The following NR3C2 variants were observed in gnomAD, a reference collection of about 807,000 sequenced individuals.
NR3C2 encodes the protein nuclear receptor subfamily 3 group C member 2, also known as mineralocorticoid receptor.
NR3C2 carries 15 observed loss-of-function variants against 86.4 expected under a neutral mutation model. The ratio of observed to expected loss-of-function variants is 0.17; its 90% confidence interval spans 0.12 to 0.27. The LOEUF is 0.27. NR3C2 is among the 10% of genes least tolerant of loss of function. The pLI, the probability that NR3C2 is intolerant of heterozygous loss-of-function variation, is 1.00. For missense variants in NR3C2, 960 were observed against 1,195.6 expected, an observed-to-expected ratio of 0.80 and a Z score of 2.91; for synonymous variants, 458 against 450.5, an observed-to-expected ratio of 1.02 and a Z score of -0.21.
At chr4:148,335,037 A>G (rs1744412428) in intron 2 of NR3C2, among the ~76,000 whole-genome samples, 1 of 152,192 alleles carries the variant, frequency 6.6e-6, no homozygotes. Context: ...ATATTACATT[A>G]GGGGCCACTC....
intron 6 of NR3C2, among the ~76,000 whole-genome samples, chr4:148,147,438 A>G (rs1217522442): frequency 6.6e-6 from 1 of 152,252 alleles, no homozygotes; most frequent in East Asian, 1.9e-4. Context: ...ACACTGATTA[A>G]TAGATTGTTT....
intron 2 of NR3C2, among the ~76,000 whole-genome samples, chr4:148,278,559 A>T (rs1741074975): frequency 6.6e-6 from 1 of 152,070 alleles, no homozygotes; most frequent in African/African-American, 2.4e-5. Context: ...ACATAAATAA[A>T]TACACGTGCG....
At chr4:148,085,512 T>C (rs1191512641) in intron 8 of NR3C2, among the ~76,000 whole-genome samples, 2 of 152,236 alleles carry the variant, frequency 1.3e-5, no homozygotes, top group Non-Finnish European at 2.9e-5. Context: ...CGGAAATTTA[T>C]AGCACTAAAT....
At chr4:148,363,567 T>A (rs1386942402) in intron 2 of NR3C2, among the ~76,000 whole-genome samples, 1 of 145,634 alleles carries the variant, frequency 6.9e-6, no homozygotes, top group Admixed American at 7.1e-5. Context: ...GCAGTGGCGC[T>A]ATCTCAGCTC....
chr4:148,337,777 T>C (rs1048677363), intron 2 of NR3C2, among the ~76,000 whole-genome samples: 4 of 152,212 alleles, frequency 2.6e-5, no homozygotes, highest in Non-Finnish European at 4.4e-5. Context: ...AGAAAATCCA[T>C]ATCCTCATTA....
chr4:148,431,709 C>G (rs1413045163), intron 2 of NR3C2, among the ~76,000 whole-genome samples: 7 of 152,186 alleles, frequency 4.6e-5, no homozygotes, highest in African/African-American at 1.7e-4. Flanking sequence ...TCATTTCTGT[C>G]AGTTTAAAAA....
intron 2 of NR3C2, among the ~76,000 whole-genome samples, chr4:148,375,310 G>A (rs920048834): frequency 6.6e-6 from 1 of 151,964 alleles, no homozygotes; most frequent in African/African-American, 2.4e-5. Context: ...ACAAAAATCA[G>A]CCAGGCGTGG....
intron 2 of NR3C2, among the ~76,000 whole-genome samples, chr4:148,275,545 C>T (rs2149890292): frequency 6.6e-6 from 1 of 152,164 alleles, no homozygotes; most frequent in East Asian, 1.9e-4. Flanking sequence ...ATTCTCCTGC[C>T]TCAGCCCCAC....
intron 3 of NR3C2, among the ~76,000 whole-genome samples, chr4:148,231,282 C>CT (rs1738446644): frequency 6.6e-6 from 1 of 152,138 alleles, no homozygotes; most frequent in Non-Finnish European, 1.5e-5. Context: ...TCAATTCGGC[C>CT]TTTTTGCTAT....
At chr4:148,218,328 T>C (rs976132351) in intron 3 of NR3C2, among the ~76,000 whole-genome samples, 1 of 152,184 alleles carries the variant, frequency 6.6e-6, no homozygotes, top group Non-Finnish European at 1.5e-5. Flanking sequence ...CAACATATTA[T>C]AGTTGAATAG....
At chr4:148,287,509 T>G (rs1304158614) in intron 2 of NR3C2, among the ~76,000 whole-genome samples, 4 of 152,196 alleles carry the variant, frequency 2.6e-5, no homozygotes, top group Admixed American at 6.5e-5. Context: ...GAAGAACACT[T>G]TAGTGAATAC....
chr4:148,383,332 C>G (rs190166527), intron 2 of NR3C2, among the ~76,000 whole-genome samples: 1 of 152,012 alleles, frequency 6.6e-6, no homozygotes, highest in Non-Finnish European at 1.5e-5. Flanking sequence ...TATATAAAAT[C>G]AAGACAACTT....
chr4:148,388,234 G>T (rs1319147273), intron 2 of NR3C2, among the ~76,000 whole-genome samples: 1 of 152,124 alleles, frequency 6.6e-6, no homozygotes, highest in Non-Finnish European at 1.5e-5. Context: ...AGTACAGACT[G>T]AACATGCTAC....
At chr4:148,275,676 C>T (rs1390814178) in intron 2 of NR3C2, among the ~76,000 whole-genome samples, 3 of 152,124 alleles carry the variant, frequency 2.0e-5, no homozygotes, top group African/African-American at 4.8e-5. Flanking sequence ...TTGATCCACC[C>T]GCCTTGGCCT....
chr4:148,213,781 T>C lies in NR3C2; in HGVS notation c.1898-18919A>G, dbSNP rs1737395254. ...AGCTTTGTAATCTGATTCTGTTTCA[T>C]CCAGTAAAGCCATAAAATGAATACG... On this transcript the variant is annotated intron_variant, in intron 3 of 8. Transcript: ENST00000358102. 2.0e-5 allele frequency among the ~76,000 whole-genome samples: 3 copies of C among 152,180 alleles called. No homozygotes were observed. In the South Asian group the frequency reaches 6.2e-4, roughly 32 times the overall value.
At chr4:148,213,371 G>A (rs980140100) in intron 3 of NR3C2, among the ~76,000 whole-genome samples, 7 of 152,106 alleles carry the variant, frequency 4.6e-5, no homozygotes, top group Non-Finnish European at 8.8e-5. Flanking sequence ...CATTAGACAT[G>A]GTGTTAAAGT....
chr4:148,265,938 G>A (rs970865400), intron 2 of NR3C2, among the ~76,000 whole-genome samples: 9 of 152,178 alleles, frequency 5.9e-5, no homozygotes, highest in East Asian at 1.9e-4. Context: ...TAGTCATGGC[G>A]AATAGAGAGA....
chr4:148,388,187 A>C (rs1747363636), intron 2 of NR3C2, among the ~76,000 whole-genome samples: 1 of 152,232 alleles, frequency 6.6e-6, no homozygotes, highest in Non-Finnish European at 1.5e-5. Flanking sequence ...ATATTAGACA[A>C]GTCAATAAAA....
intron 2 of NR3C2, among the ~76,000 whole-genome samples, chr4:148,297,631 T>C (rs985208014): frequency 1.3e-5 from 2 of 152,104 alleles, no homozygotes; most frequent in Non-Finnish European, 2.9e-5. Flanking sequence ...TAGTGGTTCC[T>C]TTTACATTAT....
Sources: gnomAD v4.1 joint callset for allele counts (sites outside exome capture counted in the v4.1 genomes callset) on GRCh38, gnomAD v4.1.1 for gene constraint, MANE v1.5 for transcripts, NCBI Gene and HGNC (gene_info 2026-07-23, HGNC 2026-07-21) for gene names.